The following COL17A1 variants were observed in gnomAD, a reference collection of about 807,000 sequenced individuals.
COL17A1 encodes collagen type XVII alpha 1 chain, also known as collagen alpha-1(XVII) chain.
Under a neutral mutation model 218.4 loss-of-function variants are expected in COL17A1, and 181 were observed. The observed-to-expected ratio is 0.83, with a 90% confidence interval of 0.73 to 0.94. The LOEUF (loss-of-function observed/expected upper bound fraction) is 0.94. Ranked by LOEUF, COL17A1 falls within the 40% of genes least tolerant of loss-of-function variation. The pLI is 0.00. For missense variants in COL17A1, 1,924 were observed against 1,945.9 expected (o/e 0.99, Z 0.21); for synonymous variants, 721 against 731.0 (o/e 0.99, Z 0.22).
rs2086549668 is a variant in COL17A1, at chr10:104,058,188, C to T, written c.1225G>A (p.Asp409Asn). 2.5e-6 allele frequency: 4 copies of T among 1,614,084 alleles called. No homozygotes were observed. The highest frequency in any genetic ancestry group is 3.4e-6 in the Non-Finnish European group (4 of 1,180,044). Reference sequence around the variant, plus strand: ...CCCTTTGTGGACACAGTCTTCAGGTCTCCTGAAAGGACAAACAGATTGACC... The same window carrying T: ...CCCTTTGTGGACACAGTCTTCAGGTTTCCTGAAAGGACAAACAGATTGACC... ...DSGLKAEANG[D>N]LKTVSTKGKT... is the part of the protein sequence containing the mutation. The change falls in exon 16 of 56, where the codon GAC (aspartate) becomes AAC (asparagine). Residue 409 changes from aspartate to asparagine, a missense_variant and splice_region_variant. By Grantham distance (23) the Asp-to-Asn change is conservative (BLOSUM62 1). Coordinates refer to ENST00000648076, the MANE Select transcript of COL17A1 (RefSeq NM_000494.4).
chr10:104,080,284 C>T (rs1054403692), intron 2 of COL17A1, among the ~76,000 whole-genome samples: 6 of 152,102 alleles, frequency 3.9e-5, no homozygotes, highest in Admixed American at 2.0e-4. Flanking sequence ...GGATGTTATT[C>T]GTTTAGATTT....
In COL17A1 at chr10:104,057,074, A is replaced by C. The variant is rs1216674084; in HGVS notation, c.1366T>G (p.Cys456Gly). ...CAGCTGCAGCAGGAGCCGCAGGGGC[A>C]CCAGGCTGGCGCTGGTCCCCAAGGG... The part of the protein sequence containing the change: ...GGPWGPAPAW[C>G]PCGSCCSWWK... The change falls in exon 17 of 56, where the codon TGC (cysteine) becomes GGC (glycine). Residue 456 changes from cysteine (C) to glycine (G), a missense_variant. By Grantham distance (159) the Cys-to-Gly change is radical. Coordinates refer to ENST00000648076, the MANE Select transcript of COL17A1 (RefSeq NM_000494.4). 6.2e-7 allele frequency: 1 copy of C among 1,611,858 alleles called. No individual in the cohort carries two copies. The highest frequency in any genetic ancestry group is 2.2e-5 in the East Asian group (1 of 44,850).
At position 104,036,586 on chromosome 10, in the gene COL17A1, C is replaced by A; in HGVS notation, c.3324G>T (p.Arg1108=). The A allele has an allele frequency of 6.2e-7, 1 of 1,614,008 alleles. No individual in the cohort carries two copies. The highest frequency in any genetic ancestry group is 8.5e-7 in the Non-Finnish European group (1 of 1,179,950). ...QYLRQYLMGP[R]GPPGPPGASG... ...TGGCTCCTGGTGGCCCTGGCGGACC[C>A]CGAGGGCCCATCAAGTACTGACGTA... The change falls in exon 48 of 56, where the codon CGG becomes CGT. Residue 1108 remains arginine (R), a synonymous_variant. Coordinates refer to ENST00000648076, the MANE Select transcript of COL17A1 (RefSeq NM_000494.4).
rs7923511 is a variant in COL17A1 at position 104,062,458 on chromosome 10, G to A, written c.839-129C>T. Reference sequence around the variant, plus strand: ...TGCCAACAGATTCCCAAACTTCCTCGGTTCCCACACTCTTTGTAACGTAGT... The same window carrying A: ...TGCCAACAGATTCCCAAACTTCCTCAGTTCCCACACTCTTTGTAACGTAGT... On this transcript the variant is annotated intron_variant, in intron 11 of 55. Coordinates refer to ENST00000648076, the MANE Select transcript of COL17A1 (RefSeq NM_000494.4). 163 of 1,241,406 alleles carry A rather than the reference G, an allele frequency of 1.3e-4. No homozygotes were observed. In the African/African-American group the frequency reaches 1.4e-3, roughly 11 times the overall value. The allele number at this position is 1,241,406 out of a possible 1,614,324, so 76.9% of individuals were successfully genotyped here.
At chr10:104,073,491 T>C (rs1333964898) in intron 6 of COL17A1, among the ~76,000 whole-genome samples, 1 of 152,170 alleles carries the variant, frequency 6.6e-6, no homozygotes, top group Non-Finnish European at 1.5e-5. Context: ...TTAGCTAACA[T>C]TTTGAATGTT....
intron 8 of COL17A1, among the ~76,000 whole-genome samples, chr10:104,071,349 C>G (rs2086667951): frequency 6.6e-6 from 1 of 152,168 alleles, no homozygotes; most frequent in African/African-American, 2.4e-5. Context: ...AGGTACTGAG[C>G]TCTCTGGACA....
Position 104,043,485 on chromosome 10 carries a change from A to G in COL17A1, c.2515+16T>C. ...ACCTATTGCTGATTTGGGGCAAAGC[A>G]AGAAAATAGACTGACCTGGGGCACC... On this transcript the variant is annotated intron_variant, in intron 35 of 55. Coordinates refer to ENST00000648076, the MANE Select transcript of COL17A1 (RefSeq NM_000494.4). 1 of 1,612,512 alleles carries G rather than the reference A, an allele frequency of 6.2e-7. No individual in the cohort carries two copies. The highest frequency in any genetic ancestry group is 1.1e-5 in the South Asian group (1 of 90,832).
chr10:104,047,773 G>T lies in COL17A1; in HGVS notation c.2301C>A (p.Gly767=), dbSNP rs200519188. The T allele has an allele frequency of 2.5e-6, 4 of 1,614,190 alleles. No homozygotes were observed. The highest frequency in any genetic ancestry group is 3.3e-5 in the Admixed American group (2 of 60,034). Residue 767 remains glycine (G), a synonymous_variant, in exon 31 of 56, where the codon GGC becomes GGA. Coordinates refer to ENST00000648076, the MANE Select transcript of COL17A1 (RefSeq NM_000494.4). The part of the protein sequence containing the change: ...QGLTGMPGIR[G]PPGPSGDPGK... ...CTGGGTCTCCAGAAGGTCCTGGTGG[G>T]CCACGGATTCCAGGCATCCCAGTAA... is the stretch of plus-strand genomic sequence containing the variant.
chr10:104,073,308 C>G, intron 6 of COL17A1, 63 bp from the exon 7 acceptor site: 1 of 1,446,816 alleles, frequency 6.9e-7, no homozygotes, highest in Non-Finnish European at 9.7e-7. Flanking sequence ...ATACTTTTGA[C>G]ATGGAGGCAG....
At chr10:104,036,390 G>A (rs2086298739) in intron 48 of COL17A1, 102 bp downstream of exon 48, 9 of 1,501,572 alleles carry the variant, frequency 6.0e-6, no homozygotes, top group Non-Finnish European at 7.3e-6. Flanking sequence ...GTGCAGTCTG[G>A]CAGGTGGGGG....
chr10:104,046,986 T>C (rs527817474), intron 31 of COL17A1, among the ~76,000 whole-genome samples: 4 of 152,292 alleles, frequency 2.6e-5, no homozygotes, highest in East Asian at 3.9e-4. Context: ...GACCCACCAC[T>C]TTCTCAGGCA....
At chr10:104,032,562 G>T in intron 55 of COL17A1, 112 bp downstream of exon 55, 1 of 1,135,158 alleles carries the variant, frequency 8.8e-7, no homozygotes, top group Non-Finnish European at 1.3e-6. Context: ...GGAGTAATTG[G>T]CATTTGCCTG....
chr10:104,076,942 C>G (rs2086716128), intron 4 of COL17A1, among the ~76,000 whole-genome samples: 1 of 152,172 alleles, frequency 6.6e-6, no homozygotes, highest in African/African-American at 2.4e-5. Context: ...GATGCTTGCC[C>G]AGTGGAATCT....
rs1215836521 is a variant in COL17A1 at position 104,034,767 on chromosome 10, G to A, written c.3620C>T (p.Thr1207Ile). The A allele has an allele frequency of 1.2e-6, 2 of 1,612,184 alleles. No individual in the cohort carries two copies. Among genetic ancestry groups the A allele is most frequent in the African/African-American group, 2.7e-5 (2 of 74,922 alleles). Residue 1207 changes from threonine to isoleucine, a missense_variant and splice_region_variant, in exon 51 of 56, where the codon ACT becomes ATT. Transcript: ENST00000648076. ...SVEDLSSYLHTAGLSFIPGPP... is the reference protein window; with the variant it reads ...SVEDLSSYLHIAGLSFIPGPP... ...GCCTGGGATGAATGACAAGCCGGCA[G>A]CTGGGCAGAAGGAAGAGAAAGAAAG... is the stretch of plus-strand genomic sequence containing the variant.
At chr10:104,051,783 CA>C (rs2086472248) in intron 24 of COL17A1, among the ~76,000 whole-genome samples, 1 of 152,176 alleles carries the variant, frequency 6.6e-6, no homozygotes, top group Non-Finnish European at 1.5e-5. Flanking sequence ...AGAAGGGGCC[CA>C]TTCTCCCTGG....
intron 33 of COL17A1, among the ~76,000 whole-genome samples, chr10:104,045,224 C>T (rs754847775): frequency 6.6e-6 from 1 of 152,164 alleles, no homozygotes; most frequent in Non-Finnish European, 1.5e-5. Flanking sequence ...GATGAGCTCC[C>T]CTCTGAGTAC....
At chr10:104,036,046 AGG>A (rs2086286941) in intron 48 of COL17A1, among the ~76,000 whole-genome samples, 1 of 33,172 alleles carries the variant, frequency 3.0e-5, no homozygotes, top group African/African-American at 1.1e-4. Flanking sequence ...GTGTGTGTAT[AGG>A]AGTGTGTGTA....
intron 9 of COL17A1, among the ~76,000 whole-genome samples, chr10:104,068,334 A>C (rs1030874443): frequency 6.6e-6 from 1 of 152,226 alleles, no homozygotes; most frequent in African/African-American, 2.4e-5. Flanking sequence ...CCAGACCTTA[A>C]TATCAAACTA....
chr10:104,050,836 C>T lies in COL17A1; in HGVS notation c.2092+12G>A. The T allele has an allele frequency of 6.2e-7, 1 of 1,614,164 alleles. No homozygotes were observed. Among genetic ancestry groups the T allele is most frequent in the Non-Finnish European group, 8.5e-7 (1 of 1,180,038 alleles). On this transcript the variant is annotated intron_variant, in intron 26 of 55. Transcript: ENST00000648076. ...GACCCTCACTGTCCCCCCAGGCCTC[C>T]CTCCAGCTTACCTTTGACACCAGGA... is the stretch of plus-strand genomic sequence containing the variant.
Sources: allele counts gnomAD v4.1 joint callset (sites outside exome capture counted in the v4.1 genomes callset), GRCh38; gene constraint gnomAD v4.1.1; transcripts MANE v1.5; gene names NCBI Gene and HGNC (gene_info 2026-07-23, HGNC 2026-07-21).